The following FOXO3 variants were observed in gnomAD, a reference collection of about 807,000 sequenced individuals.
FOXO3 encodes forkhead box protein O3.
A neutral mutation model predicts 41.9 loss-of-function variants in FOXO3; 4 were observed. The ratio of observed to expected loss-of-function variants is 0.10; its 90% CI spans 0.05 to 0.22. The LOEUF is 0.22. FOXO3 is among the 10% of genes least tolerant of loss of function. The pLI, the probability that FOXO3 is intolerant of heterozygous loss-of-function variation, is 1.00. For missense variants in FOXO3, 534 were observed against 906.8 expected, an observed-to-expected ratio of 0.59 and a Z score of 5.28; for synonymous variants, 318 against 389.3, an observed-to-expected ratio of 0.82 and a Z score of 2.16.
At chr6:108,613,280 G>T (rs1328271886) in intron 1 of FOXO3, among the ~76,000 whole-genome samples, 1 of 152,192 alleles carries the variant, frequency 6.6e-6, no homozygotes, top group Non-Finnish European at 1.5e-5. Context: ...AGTGTTCCCT[G>T]TTCTGCTCTG....
intron 1 of FOXO3, among the ~76,000 whole-genome samples, chr6:108,614,612 T>C (rs1257950572): frequency 6.6e-6 from 1 of 152,138 alleles, no homozygotes; most frequent in Non-Finnish European, 1.5e-5. Context: ...TGTCTTTATA[T>C]TTAAAGTGGA....
chr6:108,594,023 C>T (rs1776806558), intron 1 of FOXO3, among the ~76,000 whole-genome samples: 1 of 152,000 alleles, frequency 6.6e-6, no homozygotes, highest in Admixed American at 6.6e-5. Context: ...CCGGCCTTTG[C>T]TGTGTATTTC....
At chr6:108,617,742 T>G (rs1777555277) in intron 1 of FOXO3, among the ~76,000 whole-genome samples, 1 of 152,174 alleles carries the variant, frequency 6.6e-6, no homozygotes, top group Non-Finnish European at 1.5e-5. Context: ...AGAATCAGTG[T>G]TTTTCCCCAT....
At chr6:108,581,986 GAT>G (rs1776433845) in intron 1 of FOXO3, among the ~76,000 whole-genome samples, 1 of 151,990 alleles carries the variant, frequency 6.6e-6, no homozygotes, top group Non-Finnish European at 1.5e-5. Context: ...AAATGGTAAA[GAT>G]AAAGCTTTCT....
At chr6:108,593,867 C>A (rs1224544969) in intron 1 of FOXO3, among the ~76,000 whole-genome samples, 1 of 151,544 alleles carries the variant, frequency 6.6e-6, no homozygotes, top group Non-Finnish European at 1.5e-5. Flanking sequence ...CAGGCATGTG[C>A]CACCACAACC....
chr6:108,561,377 A>C lies in FOXO3; in HGVS notation c.169A>C (p.Ile57Leu), dbSNP rs1381982324. The change falls in exon 1 of 3, where the codon ATC becomes CTC. Residue 57 changes from isoleucine to leucine, a missense_variant. Coordinates refer to ENST00000406360, the MANE Select transcript of FOXO3 (RefSeq NM_001455.4). ...PSGETAADSM[I>L]PEEEDDEDDE... is the part of the protein sequence containing the mutation. ...GGGGGAGACGGCCGCCGACTCCATGATCCCCGAGGAGGAGGACGATGAAGA... is the reference window on the plus strand; with the variant it reads ...GGGGGAGACGGCCGCCGACTCCATGCTCCCCGAGGAGGAGGACGATGAAGA... The C allele has an allele frequency of 7.7e-6, 12 of 1,555,326 alleles. No homozygotes were observed. The highest frequency in any genetic ancestry group is 1.0e-5 in the Non-Finnish European group (12 of 1,152,396).
intron 1 of FOXO3, among the ~76,000 whole-genome samples, chr6:108,571,717 G>A (rs574753994): frequency 8.5e-5 from 13 of 152,126 alleles, no homozygotes; most frequent in African/African-American, 2.7e-4. Context: ...CTTTGCCAAC[G>A]CCTTGATTTT....
intron 1 of FOXO3, among the ~76,000 whole-genome samples, chr6:108,647,264 T>C (rs1330700043): frequency 6.6e-6 from 1 of 152,194 alleles, no homozygotes; most frequent in African/African-American, 2.4e-5. Flanking sequence ...GCATTAAAAA[T>C]TGATTACTTG....
intron 1 of FOXO3, among the ~76,000 whole-genome samples, chr6:108,621,291 C>T (rs1007267974): frequency 2.0e-5 from 3 of 152,120 alleles, no homozygotes; most frequent in Non-Finnish European, 4.4e-5. Context: ...TGGGGTGACT[C>T]GTGGAACCCC....
At chr6:108,588,859 C>T (rs1776658310) in intron 1 of FOXO3, among the ~76,000 whole-genome samples, 1 of 152,174 alleles carries the variant, frequency 6.6e-6, no homozygotes. Flanking sequence ...GACAAAAAAC[C>T]CACAAAACTC....
chr6:108,598,809 G>A (rs1776963316), intron 1 of FOXO3, among the ~76,000 whole-genome samples: 1 of 152,080 alleles, frequency 6.6e-6, no homozygotes, highest in Non-Finnish European at 1.5e-5. Flanking sequence ...GCTTTGTATG[G>A]CAAGATGTGG....
Position 108,561,068 on chromosome 6 carries a change from T to C in FOXO3, c.-141T>C. On this transcript the variant is annotated 5_prime_UTR_variant, in exon 1 of 3. Transcript: ENST00000406360. Reference sequence around the variant, plus strand: ...GGGATAACCAACTCTCCTTCTCTCTTCTTTGGTGCTTCCCCAGGCGGCGGC... The same window carrying C: ...GGGATAACCAACTCTCCTTCTCTCTCCTTTGGTGCTTCCCCAGGCGGCGGC... The C allele has an allele frequency of 1.4e-6, 2 of 1,425,456 alleles. No individual in the cohort carries two copies. The highest frequency in any genetic ancestry group is 1.5e-5 in the African/African-American group (1 of 66,140). The allele number at this position is 1,425,456 out of a possible 1,614,324, so 88.3% of individuals were successfully genotyped here.
chr6:108,639,614 G>A (rs1252195418), intron 1 of FOXO3: 1 of 983,972 alleles, frequency 1.0e-6, no homozygotes, highest in Non-Finnish European at 1.2e-6. Context: ...AAACAGGTTT[G>A]GTTTGCTCCT....
chr6:108,599,671 A>G (rs1275466428), intron 1 of FOXO3, among the ~76,000 whole-genome samples: 3 of 152,170 alleles, frequency 2.0e-5, no homozygotes, highest in Non-Finnish European at 2.9e-5. Flanking sequence ...TTTAAGAAAA[A>G]ATCTTAGTTA....
intron 1 of FOXO3, among the ~76,000 whole-genome samples, chr6:108,635,427 CT>C (rs1180096193): frequency 6.6e-6 from 1 of 152,098 alleles, no homozygotes; most frequent in Non-Finnish European, 1.5e-5. Flanking sequence ...GAATATTTTG[CT>C]TCGTTAAAAT....
chr6:108,644,121 C>G (rs528728212), intron 1 of FOXO3, among the ~76,000 whole-genome samples: 1 of 152,186 alleles, frequency 6.6e-6, no homozygotes, highest in Non-Finnish European at 1.5e-5. Flanking sequence ...TGTTCCCTCT[C>G]CCTCTCTGAG....
chr6:108,647,100 CCTTA>C (rs1402543963), intron 1 of FOXO3, among the ~76,000 whole-genome samples: 5 of 152,200 alleles, frequency 3.3e-5, no homozygotes, highest in African/African-American at 9.6e-5. Flanking sequence ...AAATTTTAAA[CCTTA>C]CTTTTTTCTG....
intron 1 of FOXO3, among the ~76,000 whole-genome samples, chr6:108,609,083 C>T (rs1378844784): frequency 6.6e-6 from 1 of 152,140 alleles, no homozygotes; most frequent in Non-Finnish European, 1.5e-5. Flanking sequence ...TACCAGAGGA[C>T]ATGATGTAGA....
chr6:108,600,906 C>G (rs1777033919), intron 1 of FOXO3, among the ~76,000 whole-genome samples: 1 of 152,154 alleles, frequency 6.6e-6, no homozygotes. Flanking sequence ...TCTAGTTCCC[C>G]TTGTGTTAAT....
Sources: gnomAD v4.1 joint callset for allele counts (sites outside exome capture counted in the v4.1 genomes callset) on GRCh38, gnomAD v4.1.1 for gene constraint, MANE v1.5 for transcripts, NCBI Gene and HGNC (gene_info 2026-07-23, HGNC 2026-07-21) for gene names.